The following MEIS1 variants were observed in gnomAD, a reference collection of about 807,000 sequenced individuals.
MEIS1 encodes homeobox protein Meis1.
A neutral mutation model predicts 50.8 loss-of-function variants in MEIS1; 5 were observed. The observed-to-expected ratio is 0.10, with a 90% confidence interval of 0.05 to 0.21. The LOEUF (loss-of-function observed/expected upper bound fraction) is 0.21, where lower values mean the gene tolerates loss of function less well. MEIS1 is among the 10% of genes least tolerant of loss of function. The pLI, the probability that MEIS1 is intolerant of heterozygous loss-of-function variation, is 1.00. For missense variants in MEIS1, 318 were observed against 517.3 expected (o/e 0.61, Z 3.74); for synonymous variants, 176 against 179.3 (o/e 0.98, Z 0.15).
chr2:66,478,040 A>C (rs1558533032), intron 7 of MEIS1, among the ~76,000 whole-genome samples: 1 of 152,198 alleles, frequency 6.6e-6, no homozygotes, highest in Non-Finnish European at 1.5e-5. Flanking sequence ...TAGTGTGTCT[A>C]CATTGAAAGC....
intron 6 of MEIS1, among the ~76,000 whole-genome samples, chr2:66,450,267 A>G (rs1672247074): frequency 6.6e-6 from 1 of 152,174 alleles, no homozygotes; most frequent in Non-Finnish European, 1.5e-5. Context: ...AATTAATAGA[A>G]TTTATACTCA....
chr2:66,440,068 AAC>A (rs9309387), intron 3 of MEIS1, 84 bp downstream of exon 3: 8,682 of 759,736 alleles, frequency 0.011, 3 homozygotes, highest in East Asian at 0.034. Context: ...CGCGCGCGCG[AAC>A]ACACACACAC....
chr2:66,568,909 G>A (rs1675418355), intron 11 of MEIS1, 141 bp from the exon 12 acceptor site: 3 of 1,077,902 alleles, frequency 2.8e-6, no homozygotes. Flanking sequence ...ATTGCAGAGG[G>A]GAAGCCAGGA....
intron 7 of MEIS1, among the ~76,000 whole-genome samples, chr2:66,485,567 C>T (rs1357569417): frequency 6.6e-6 from 1 of 152,188 alleles, no homozygotes; most frequent in African/African-American, 2.4e-5. Flanking sequence ...CATGTGTGTG[C>T]ATGTGTCTTT....
chr2:66,567,427 G>T (rs114124208), intron 9 of MEIS1, 26 bp from the exon 10 acceptor site: 8 of 1,610,272 alleles, frequency 5.0e-6, no homozygotes, highest in Admixed American at 1.7e-5. Flanking sequence ...AAGGAATAAC[G>T]ATTTGTTTCA....
chr2:66,499,962 A>G (rs1029453659), intron 7 of MEIS1, among the ~76,000 whole-genome samples: 2 of 152,136 alleles, frequency 1.3e-5, no homozygotes, highest in Non-Finnish European at 2.9e-5. Context: ...AAGCATTTAT[A>G]TGGCTTTTTT....
chr2:66,560,134 C>T (rs1675177095), intron 9 of MEIS1, among the ~76,000 whole-genome samples: 1 of 133,214 alleles, frequency 7.5e-6, no homozygotes, highest in African/African-American at 2.9e-5. Flanking sequence ...AGGATGAAGT[C>T]ATTTCAAAAT....
chr2:66,523,905 G>T (rs1319755511), intron 8 of MEIS1, among the ~76,000 whole-genome samples: 1 of 149,534 alleles, frequency 6.7e-6, no homozygotes, highest in Non-Finnish European at 1.5e-5. Context: ...TCCACTCGTT[G>T]TTCCTATTTC....
intron 6 of MEIS1, among the ~76,000 whole-genome samples, chr2:66,452,809 T>G (rs373658843): frequency 1.5e-4 from 23 of 151,976 alleles, no homozygotes; most frequent in Admixed American, 1.5e-3. Context: ...TCATTATATT[T>G]TGGGTTTTTA....
At chr2:66,517,511 C>A (rs1673999405) in intron 8 of MEIS1, among the ~76,000 whole-genome samples, 2 of 152,144 alleles carry the variant, frequency 1.3e-5, no homozygotes, top group South Asian at 4.1e-4. Context: ...TTTTCCCTTA[C>A]ATGTAACTGC....
At chr2:66,532,280 T>G (rs1482948363) in intron 8 of MEIS1, among the ~76,000 whole-genome samples, 1 of 152,228 alleles carries the variant, frequency 6.6e-6, no homozygotes, top group Non-Finnish European at 1.5e-5. Context: ...TATGCAATTA[T>G]TTTCTTATCC....
chr2:66,510,332 G>A (rs1438441618), intron 7 of MEIS1, among the ~76,000 whole-genome samples: 1 of 152,146 alleles, frequency 6.6e-6, no homozygotes, highest in East Asian at 1.9e-4. Context: ...ATTTACAGAT[G>A]TAGGGGTCTG....
At chr2:66,530,401 C>T (rs1446182862) in intron 8 of MEIS1, among the ~76,000 whole-genome samples, 1 of 152,094 alleles carries the variant, frequency 6.6e-6, no homozygotes, top group African/African-American at 2.4e-5. Context: ...AAAATAATTC[C>T]ATTTTCTATT....
At chr2:66,566,580 A>T (rs1353665895) in intron 9 of MEIS1, among the ~76,000 whole-genome samples, 1 of 118,398 alleles carries the variant, frequency 8.4e-6, no homozygotes, top group Non-Finnish European at 1.8e-5. Context: ...TCTCATGCGT[A>T]TGACTCTGGA....
intron 7 of MEIS1, among the ~76,000 whole-genome samples, chr2:66,466,618 T>G (rs904227717): frequency 1.3e-5 from 2 of 152,384 alleles, no homozygotes; most frequent in Admixed American, 1.3e-4. Context: ...TTGCCTTTTC[T>G]GGCAGGCATG....
intron 8 of MEIS1, among the ~76,000 whole-genome samples, chr2:66,538,135 T>C (rs758749777): frequency 5.9e-5 from 9 of 152,132 alleles, no homozygotes; most frequent in Non-Finnish European, 8.8e-5. Flanking sequence ...AAGAACAACA[T>C]AGAGTGAATT....
intron 8 of MEIS1, among the ~76,000 whole-genome samples, chr2:66,530,613 G>A (rs546272632): frequency 2.0e-5 from 3 of 152,092 alleles, no homozygotes; most frequent in Non-Finnish European, 2.9e-5. Flanking sequence ...CTACTCGGGA[G>A]GCTGAGGCAG....
chr2:66,529,194 A>G (rs1032066984), intron 8 of MEIS1, among the ~76,000 whole-genome samples: 1 of 152,226 alleles, frequency 6.6e-6, no homozygotes, highest in Non-Finnish European at 1.5e-5. Context: ...AGTGCTTATC[A>G]TAGTGACTGT....
intron 7 of MEIS1, among the ~76,000 whole-genome samples, chr2:66,492,135 G>C (rs964558914): frequency 1.3e-5 from 2 of 150,058 alleles, no homozygotes; most frequent in Admixed American, 1.3e-4. Flanking sequence ...TAGTGGAGGG[G>C]GGCTAGAGGG....
Sources: allele counts gnomAD v4.1 joint callset (sites outside exome capture counted in the v4.1 genomes callset), GRCh38; gene constraint gnomAD v4.1.1; transcripts MANE v1.5; gene names NCBI Gene and HGNC (gene_info 2026-07-23, HGNC 2026-07-21).